The following DCAF6 variants were observed in gnomAD, a reference collection of about 807,000 sequenced individuals.
The protein encoded by DCAF6 is DDB1 and CUL4 associated factor 6.
Under a neutral mutation model 125.1 loss-of-function variants are expected in DCAF6, and 54 were observed. The observed-to-expected ratio is 0.43, with a 90% CI of 0.35 to 0.54. DCAF6 has a LOEUF of 0.54. Among genes scored for constraint, DCAF6 ranks in the 20% least tolerant of loss-of-function variants. The probability of loss-of-function intolerance (pLI) is 0.01; values close to 1 mark genes in which losing one functional copy is unlikely to be tolerated. For missense variants in DCAF6, 934 were observed against 1,161.7 expected (o/e 0.80, Z 2.85); for synonymous variants, 371 against 390.4 (o/e 0.95, Z 0.58).
chr1:168,064,552 C>T (rs1692088080), intron 18 of DCAF6, among the ~76,000 whole-genome samples: 1 of 152,106 alleles, frequency 6.6e-6, no homozygotes, highest in Non-Finnish European at 1.5e-5. Context: ...GTAATTAGCT[C>T]TTTCTATAAA....
At chr1:167,955,824 A>T (rs1344912476) in intron 2 of DCAF6, among the ~76,000 whole-genome samples, 1 of 152,196 alleles carries the variant, frequency 6.6e-6, no homozygotes, top group Non-Finnish European at 1.5e-5. Context: ...GCAGTGGCAC[A>T]ATCATAGCTC....
At chr1:167,935,545 G>C (rs1671099480), upstream of DCAF6, among the ~76,000 whole-genome samples, 1 of 152,194 alleles carries the variant, frequency 6.6e-6, no homozygotes, top group Non-Finnish European at 1.5e-5. Context: ...AGATACGTTG[G>C]CTTAGGAAGA....
At chr1:167,915,740 C>T in the DCAF6 span, among the ~76,000 whole-genome samples, 10 of 152,268 alleles carry the variant, frequency 6.6e-5, no homozygotes, top group East Asian at 1.9e-4. Flanking sequence ...CATGCACCAC[C>T]GCGCCTGGCC....
At chr1:168,019,108 G>T (rs747167055) in intron 11 of DCAF6, among the ~76,000 whole-genome samples, 1 of 151,908 alleles carries the variant, frequency 6.6e-6, no homozygotes, top group Non-Finnish European at 1.5e-5. Context: ...GAGTGCAGTG[G>T]TGCTATCTTG....
At chr1:167,925,546 G>GTTTT in the DCAF6 span, among the ~76,000 whole-genome samples, 1 of 101,830 alleles carries the variant, frequency 9.8e-6, no homozygotes, top group African/African-American at 3.6e-5. Flanking sequence ...TTTTTTTTTG[G>GTTTT]TTTTTTTTGT....
chr1:168,066,035 G>T (rs380753), intron 19 of DCAF6, among the ~76,000 whole-genome samples: 52,797 of 151,986 alleles, frequency 0.35, 10,515 homozygotes, highest in African/African-American at 0.53. Flanking sequence ...ATATCCAAAT[G>T]GAACATCCAG....
the DCAF6 span, among the ~76,000 whole-genome samples, chr1:167,877,535 A>T: frequency 6.6e-6 from 1 of 152,070 alleles, no homozygotes; most frequent in Admixed American, 6.6e-5. Flanking sequence ...ATTCATCATT[A>T]TTGAGGACCT....
the DCAF6 span, among the ~76,000 whole-genome samples, chr1:167,925,706 C>T: frequency 6.6e-6 from 1 of 151,286 alleles, no homozygotes; most frequent in Non-Finnish European, 1.5e-5. Context: ...GCCACCACAC[C>T]CGGCTAATTT....
intron 7 of DCAF6, among the ~76,000 whole-genome samples, chr1:168,002,098 G>A (rs1200898636): frequency 1.3e-5 from 2 of 152,098 alleles, no homozygotes; most frequent in Non-Finnish European, 2.9e-5. Context: ...TGTTAATTAG[G>A]TATGTGGGTA....
At chr1:167,944,648 T>C (rs987697185) in intron 1 of DCAF6, among the ~76,000 whole-genome samples, 1 of 152,166 alleles carries the variant, frequency 6.6e-6, no homozygotes, top group Non-Finnish European at 1.5e-5. Flanking sequence ...TTAATAGGAT[T>C]GTTAGATTTT....
chr1:168,043,975 A>G (rs1327184302), intron 14 of DCAF6, among the ~76,000 whole-genome samples: 1 of 152,164 alleles, frequency 6.6e-6, no homozygotes, highest in Non-Finnish European at 1.5e-5. Context: ...GAAGGTTAGT[A>G]AAATGCAGGA....
chr1:167,915,772 C>A, the DCAF6 span, among the ~76,000 whole-genome samples: 1 of 152,114 alleles, frequency 6.6e-6, no homozygotes, highest in East Asian at 1.9e-4. Context: ...CTTTCCATAT[C>A]TTCAATATTT....
the DCAF6 span, among the ~76,000 whole-genome samples, chr1:167,876,772 C>T: frequency 6.6e-6 from 1 of 152,204 alleles, no homozygotes; most frequent in African/African-American, 2.4e-5. Flanking sequence ...GCAGAGTCCT[C>T]TCATTCTGGA....
At chr1:167,944,438 A>T (rs886988904) in intron 1 of DCAF6, among the ~76,000 whole-genome samples, 13 of 152,326 alleles carry the variant, frequency 8.5e-5, no homozygotes, top group Admixed American at 3.9e-4. Context: ...CACCAATGGT[A>T]TATAAGAGTT....
At chr1:167,987,862 T>G (rs1232750171) in intron 5 of DCAF6, among the ~76,000 whole-genome samples, 1 of 152,032 alleles carries the variant, frequency 6.6e-6, no homozygotes, top group Non-Finnish European at 1.5e-5. Flanking sequence ...TTAAAATATA[T>G]TTATGAAAAT....
At chr1:167,995,619 G>A (rs1681539031) in intron 7 of DCAF6, among the ~76,000 whole-genome samples, 1 of 150,844 alleles carries the variant, frequency 6.6e-6, no homozygotes, top group African/African-American at 2.4e-5. Flanking sequence ...GAAGGAGGTT[G>A]CATGAGCCGA....
At chr1:168,038,530 A>T in intron 13 of DCAF6, 42 bp downstream of exon 13, 1 of 1,380,220 alleles carries the variant, frequency 7.2e-7, no homozygotes, top group Non-Finnish European at 1.0e-6. Context: ...GCCATTTTGT[A>T]GGATTGTATT....
intron 7 of DCAF6, among the ~76,000 whole-genome samples, chr1:167,995,332 T>C (rs1404739953): frequency 6.6e-6 from 1 of 152,206 alleles, no homozygotes; most frequent in East Asian, 1.9e-4. Flanking sequence ...TTTTCCTTGG[T>C]CTTGTTTGTT....
intron 5 of DCAF6, among the ~76,000 whole-genome samples, chr1:167,989,966 T>TA (rs1680595912): frequency 6.6e-6 from 1 of 152,206 alleles, no homozygotes; most frequent in Non-Finnish European, 1.5e-5. Flanking sequence ...TACTAGCTCT[T>TA]ACATTTTCTA....
Sources: allele counts gnomAD v4.1 joint callset (sites outside exome capture counted in the v4.1 genomes callset), GRCh38; gene constraint gnomAD v4.1.1; transcripts MANE v1.5; gene names NCBI Gene and HGNC (gene_info 2026-07-23, HGNC 2026-07-21).